The following GPD1L variants were observed in gnomAD, a reference collection of about 807,000 sequenced individuals.
GPD1L encodes glycerol-3-phosphate dehydrogenase 1 like.
In GPD1L, 17 loss-of-function variants were observed where a neutral mutation model predicts 32.9. That is an observed-to-expected ratio of 0.52 (90% confidence interval 0.35 to 0.78). The LOEUF is 0.78. Among genes scored for constraint, GPD1L ranks in the 30% least tolerant of loss-of-function variants. The pLI, the probability that GPD1L is intolerant of heterozygous loss-of-function variation, is 0.01. For synonymous variants in GPD1L, 187 were observed against 165.9 expected, an observed-to-expected ratio of 1.13 and a Z score of -0.98; for missense variants, 361 against 447.8, an observed-to-expected ratio of 0.81 and a Z score of 1.75.
intron 2 of GPD1L, among the ~76,000 whole-genome samples, chr3:32,132,120 A>C (rs907982043): frequency 6.6e-6 from 1 of 152,206 alleles, no homozygotes; most frequent in Non-Finnish European, 1.5e-5. Flanking sequence ...CCCTTTCTCC[A>C]CAAGTATTTT....
chr3:32,159,703 G>C (rs767716460), intron 7 of GPD1L, 29 bp downstream of exon 7: 2 of 1,269,534 alleles, frequency 1.6e-6, no homozygotes, highest in South Asian at 2.4e-5. Context: ...CATGAGACCA[G>C]ATAAATGTCC....
chr3:32,134,649 GTTAA>G (rs1700640625), intron 2 of GPD1L, among the ~76,000 whole-genome samples: 1 of 152,096 alleles, frequency 6.6e-6, no homozygotes, highest in African/African-American at 2.4e-5. Context: ...ACCACACCTG[GTTAA>G]TTTTTTTTAT....
At chr3:32,139,509 G>A (rs78131772) in intron 3 of GPD1L, among the ~76,000 whole-genome samples, 1,635 of 152,184 alleles carry the variant, frequency 0.011, 29 homozygotes, top group African/African-American at 0.037. Flanking sequence ...TAGGTGTTTT[G>A]TTTTATGCAT....
In GPD1L at chr3:32,106,866, G is replaced by C; in HGVS notation, c.47+108G>C. 1.9e-6 allele frequency: 2 copies of C among 1,080,964 alleles called. No individual in the cohort carries two copies. Among genetic ancestry groups the C allele is most frequent in the Non-Finnish European group, 2.5e-6 (2 of 810,772 alleles). 67.0% of individuals were successfully genotyped at this position (1,080,964 alleles called of 1,614,324 possible). A position where few individuals can be genotyped will look rare whatever the true frequency, so the allele number is the denominator to read the frequency against. On this transcript the variant is annotated intron_variant, in intron 1 of 7. Transcript: ENST00000282541. The surrounding 1 kb of genome is among the most constrained non-coding windows in gnomAD (Gnocchi z 4.0). ...GCGGCGTGGGCACCGGGCACTGCGC[G>C]CAGGGAGGCGGGGTGGGCGACCTCG... is the stretch of plus-strand genomic sequence containing the variant.
rs201900323 is a variant in GPD1L at position 32,140,244 on chromosome 3, C to T, written c.383C>T (p.Pro128Leu). 1.2e-6 allele frequency: 2 copies of T among 1,613,890 alleles called. No homozygotes were observed. Among genetic ancestry groups the T allele is most frequent in the Non-Finnish European group, 1.7e-6 (2 of 1,179,990 alleles). ...ITLIKGIDEG[P>L]EGLKLISDII... Reference sequence around the variant, plus strand: ...TCCTTGTAGGGCATAGACGAGGGCCCCGAGGGGCTGAAGCTCATTTCTGAC... The same window carrying T: ...TCCTTGTAGGGCATAGACGAGGGCCTCGAGGGGCTGAAGCTCATTTCTGAC... Residue 128 changes from proline (P) to leucine (L), a missense_variant, in exon 4 of 8, where the codon CCC (proline) becomes CTC (leucine). Physicochemically the swap from Pro to Leu is moderately conservative, Grantham distance 98. Transcript: ENST00000282541.
At chr3:32,144,746 C>T (rs149569247) in intron 4 of GPD1L, among the ~76,000 whole-genome samples, 37 of 149,468 alleles carry the variant, frequency 2.5e-4, no homozygotes, top group South Asian at 6.4e-4. Flanking sequence ...AGTGCAGTGG[C>T]GTGATCTCGG....
rs539068850 is a variant in GPD1L, at chr3:32,115,758, C to CTTTTTTT, written c.47+9042_47+9048dup. On this transcript the variant is annotated intron_variant, in intron 1 of 7. Coordinates refer to ENST00000282541, the MANE Select transcript of GPD1L (RefSeq NM_015141.4). ...CTAAACCCTTTTCGTGTACGTTGAA[C>CTTTTTTT]TTTTTTTTTTTTTTTTTTTTTTTTT... Among the ~76,000 whole-genome samples the CTTTTTTT allele has an allele frequency of 2.8e-3, 124 of 45,086 alleles. 45 individuals carry two copies. The highest frequency in any genetic ancestry group is 4.9e-3 in the Non-Finnish European group (100 of 20,538). The allele number at this position is 45,086 out of a possible 152,430, so 29.6% of individuals were successfully genotyped here.
At chr3:32,112,764 C>T (rs1242245881) in intron 1 of GPD1L, among the ~76,000 whole-genome samples, 1 of 152,212 alleles carries the variant, frequency 6.6e-6, no homozygotes, top group Non-Finnish European at 1.5e-5. Flanking sequence ...CTATCTCCTT[C>T]TCTTCCTTAA....
chr3:32,113,315 C>T (rs910909008), intron 1 of GPD1L, among the ~76,000 whole-genome samples: 1 of 152,026 alleles, frequency 6.6e-6, no homozygotes. Flanking sequence ...AATCTATCAC[C>T]TCTAACTTTT....
intron 5 of GPD1L, among the ~76,000 whole-genome samples, chr3:32,148,373 TG>T (rs1700862943): frequency 1.3e-5 from 2 of 152,284 alleles, no homozygotes; most frequent in South Asian, 4.1e-4. Context: ...GCAGGAAGAC[TG>T]TAAGTGGATG....
intron 5 of GPD1L, among the ~76,000 whole-genome samples, chr3:32,147,316 C>G (rs533040460): frequency 1.2e-4 from 19 of 152,250 alleles, no homozygotes; most frequent in Admixed American, 5.2e-4. Context: ...TGTCCGGCTT[C>G]TTTGATTGGA....
intron 3 of GPD1L, among the ~76,000 whole-genome samples, chr3:32,139,567 T>A (rs972329185): frequency 1.3e-5 from 2 of 152,180 alleles, no homozygotes; most frequent in African/African-American, 4.8e-5. Context: ...CTACCAGGGG[T>A]AAGGCCCATG....
At chr3:32,128,415 T>C (rs1700543904) in intron 2 of GPD1L, among the ~76,000 whole-genome samples, 162 bp downstream of exon 2, 1 of 152,152 alleles carries the variant, frequency 6.6e-6, no homozygotes, top group African/African-American at 2.4e-5. Context: ...TGAAAATGGG[T>C]TTCCTATTAT....
At chr3:32,130,434 G>A (rs1047904655) in intron 2 of GPD1L, among the ~76,000 whole-genome samples, 1 of 151,896 alleles carries the variant, frequency 6.6e-6, no homozygotes. Context: ...TTGCATTTCC[G>A]TCAACACAAG....
intron 6 of GPD1L, among the ~76,000 whole-genome samples, 170 bp from the exon 7 acceptor site, chr3:32,159,398 A>G (rs1341236435): frequency 1.3e-5 from 2 of 151,914 alleles, no homozygotes; most frequent in East Asian, 1.9e-4. Flanking sequence ...TGGGAGGCCA[A>G]GGTGGGAGGA....
Position 32,166,964 on chromosome 3 carries a change from G to A in GPD1L, c.*1054G>A, listed in dbSNP as rs1350783068. The A allele has an allele frequency of 2.0e-5, 3 of 151,924 alleles. No homozygotes were observed. The highest frequency in any genetic ancestry group is 7.3e-5 in the African/African-American group (3 of 41,332). The allele number at this position is 151,924 out of a possible 1,614,324, so 9.4% of individuals were successfully genotyped here. A position where few individuals can be genotyped will look rare whatever the true frequency, so the allele number is the denominator to read the frequency against. On this transcript the variant is annotated 3_prime_UTR_variant, in exon 8 of 8. Transcript: ENST00000282541. ...AGTGCCACTCCAAGGGCGGTCCTCG[G>A]TGCAGCAGCATCAGCTTCACTTGTG...
chr3:32,147,290 A>G (rs1380346241), intron 5 of GPD1L, among the ~76,000 whole-genome samples: 1 of 152,226 alleles, frequency 6.6e-6, no homozygotes, highest in Non-Finnish European at 1.5e-5. Flanking sequence ...GGAACTGTAC[A>G]GTATGCACTC....
Position 32,115,758 on chromosome 3 carries a change from C to CTTTTTTTTTTTTTTTTT in GPD1L, c.47+9032_47+9048dup, listed in dbSNP as rs539068850. On this transcript the variant is annotated intron_variant, in intron 1 of 7. Transcript: ENST00000282541. The stretch of plus-strand genomic sequence containing the variant: ...CTAAACCCTTTTCGTGTACGTTGAA[C>CTTTTTTTTTTTTTTTTT]TTTTTTTTTTTTTTTTTTTTTTTTT... 5.8e-4 allele frequency among the ~76,000 whole-genome samples: 26 copies of CTTTTTTTTTTTTTTTTT among 45,086 alleles called. 9 individuals are homozygous for CTTTTTTTTTTTTTTTTT. Among genetic ancestry groups the CTTTTTTTTTTTTTTTTT allele is most frequent in the Non-Finnish European group, 1.1e-3 (23 of 20,538 alleles). The allele number at this position is 45,086 out of a possible 152,430, so 29.6% of individuals were successfully genotyped here.
Position 32,166,334 on chromosome 3 carries a change from G to A in GPD1L, c.*424G>A. 1 of 258,966 alleles carries A rather than the reference G, an allele frequency of 3.9e-6. No individual in the cohort carries two copies. Among genetic ancestry groups the A allele is most frequent in the Non-Finnish European group, 7.6e-6 (1 of 132,428 alleles). The allele number at this position is 258,966 out of a possible 1,614,324, so 16.0% of individuals were successfully genotyped here. On this transcript the variant is annotated 3_prime_UTR_variant, in exon 8 of 8. Coordinates refer to ENST00000282541, the MANE Select transcript of GPD1L (RefSeq NM_015141.4). Reference sequence around the variant, plus strand: ...TTTTAACCAGCATTAACATGGTAGAGTGGAGGAGTGAGTGTGTTCAAAGAT... The same window carrying A: ...TTTTAACCAGCATTAACATGGTAGAATGGAGGAGTGAGTGTGTTCAAAGAT...
Sources: allele counts gnomAD v4.1 joint callset (sites outside exome capture counted in the v4.1 genomes callset), GRCh38; gene constraint gnomAD v4.1.1; non-coding constraint Gnocchi (gnomAD v3.1); transcripts MANE v1.5; gene names NCBI Gene and HGNC (gene_info 2026-07-23, HGNC 2026-07-21).